The following SLC27A1 variants were observed in gnomAD, a reference collection of about 807,000 sequenced individuals.
SLC27A1 encodes long-chain fatty acid transport protein 1.
In SLC27A1, 61 loss-of-function variants were observed where a neutral mutation model predicts 62.2. That is an observed-to-expected ratio of 0.98 (90% CI 0.80 to 1.21). SLC27A1 has a LOEUF of 1.21. SLC27A1 is among the 50% of genes most tolerant of loss of function. SLC27A1 has a pLI of 0.00. For synonymous variants in SLC27A1, 435 were observed against 408.6 expected, an observed-to-expected ratio of 1.06 and a Z score of -0.78; for missense variants, 903 against 932.1, an observed-to-expected ratio of 0.97 and a Z score of 0.41.
chr19:17,497,388 G>C lies in SLC27A1; in HGVS notation c.1130G>C (p.Arg377Pro), dbSNP rs935049890. The C allele has an allele frequency of 6.2e-7, 1 of 1,604,408 alleles. No homozygotes were observed. The highest frequency in any genetic ancestry group is 8.5e-7 in the Non-Finnish European group (1 of 1,177,250). ...RPAIWEEFTE[R>P]FGVRQIGEFY... is the part of the protein sequence containing the mutation. Reference sequence around the variant, plus strand: ...GCCATCTGGGAGGAGTTCACGGAGCGCTTCGGCGTACGCCAAATCGGGGAG... The same window carrying C: ...GCCATCTGGGAGGAGTTCACGGAGCCCTTCGGCGTACGCCAAATCGGGGAG... Residue 377 changes from arginine to proline, a missense_variant, in exon 7 of 12, where the codon CGC (arginine) becomes CCC (proline). Arg to Pro is a moderately radical substitution (Grantham distance 103). Transcript: ENST00000252595.
Position 17,500,411 on chromosome 19 carries a change from A to G in SLC27A1, c.1333+7A>G. The G allele has an allele frequency of 6.2e-7, 1 of 1,613,618 alleles. No individual in the cohort carries two copies. The highest frequency in any genetic ancestry group is 8.5e-7 in the Non-Finnish European group (1 of 1,179,734). ...TGCATCCCCTGCCAGGCCGGTGAGC[A>G]GGGCCCCCGCATGGTCCCCACCCGG... On this transcript the variant is annotated splice_region_variant and intron_variant, in intron 8 of 11. Transcript: ENST00000252595.
chr19:17,505,826 CAG>C lies in SLC27A1; in HGVS notation c.*1215_*1216del, dbSNP rs2075474115. ...TGCCGGGGGTTGGCCTCTCAAGCCT[CAG>C]GGGTTCTAGCCTGTTGAATATACCC... On this transcript the variant is annotated 3_prime_UTR_variant, in exon 12 of 12. Coordinates refer to ENST00000252595, the MANE Select transcript of SLC27A1 (RefSeq NM_198580.3). 1 of 152,760 alleles carries C rather than the reference CAG, an allele frequency of 6.5e-6. No homozygotes were observed. The highest frequency in any genetic ancestry group is 2.4e-5 in the African/African-American group (1 of 41,456). The allele number at this position is 152,760 out of a possible 1,614,324, so 9.5% of individuals were successfully genotyped here.
chr19:17,479,134 C>T (rs923305421), intron 1 of SLC27A1, among the ~76,000 whole-genome samples: 3 of 151,876 alleles, frequency 2.0e-5, no homozygotes, highest in Non-Finnish European at 2.9e-5. Flanking sequence ...CAGCTGGGAA[C>T]AGTACTCACG....
Position 17,497,201 on chromosome 19 carries a change from G to A in SLC27A1, c.997-54G>A, listed in dbSNP as rs2075358329. On this transcript the variant is annotated intron_variant, in intron 6 of 11. Coordinates refer to ENST00000252595, the MANE Select transcript of SLC27A1 (RefSeq NM_198580.3). Reference sequence around the variant, plus strand: ...GGTCTCGGGGTCTCTCCTCTGATCCGGGCTCCCCACCGCCTGCCGGTCCCA... The same window carrying A: ...GGTCTCGGGGTCTCTCCTCTGATCCAGGCTCCCCACCGCCTGCCGGTCCCA... 6.7e-6 allele frequency: 10 copies of A among 1,483,612 alleles called. 1 individual carries two copies. Among genetic ancestry groups the A allele is most frequent in the Non-Finnish European group, 9.1e-6 (10 of 1,098,076 alleles). 91.9% of individuals were successfully genotyped at this position (1,483,612 alleles called of 1,614,324 possible).
intron 11 of SLC27A1, 58 bp from the exon 12 acceptor site, chr19:17,504,397 T>C (rs2075452304): frequency 6.2e-7 from 1 of 1,601,766 alleles, no homozygotes; most frequent in Admixed American, 1.7e-5. Context: ...GGATATTGAG[T>C]TGAGGCCTCC....
intron 1 of SLC27A1, among the ~76,000 whole-genome samples, chr19:17,480,831 C>G (rs1261234547): frequency 1.3e-5 from 2 of 151,896 alleles, no homozygotes; most frequent in Non-Finnish European, 2.9e-5. Flanking sequence ...TTCAGCTGCC[C>G]CTTATGGAGT....
rs893919404 is a variant in SLC27A1, at chr19:17,503,250, A to T, written c.1784-1205A>T. The stretch of plus-strand genomic sequence containing the variant: ...AGATTTGGGTGGGGACACAGCCAAA[A>T]TATATCAGGGTCTCACTGTGTTGCC... On this transcript the variant is annotated intron_variant, in intron 11 of 11. Coordinates refer to ENST00000252595, the MANE Select transcript of SLC27A1 (RefSeq NM_198580.3). Among the ~76,000 whole-genome samples, 3 of 151,094 alleles carry T rather than the reference A, an allele frequency of 2.0e-5. No homozygotes were observed. The East Asian group carries it at 6.0e-4, about 30-fold the overall frequency.
intron 11 of SLC27A1, 132 bp downstream of exon 11, chr19:17,501,551 C>T (rs975828595): frequency 2.8e-5 from 36 of 1,284,302 alleles, no homozygotes; most frequent in Non-Finnish European, 3.5e-5. Flanking sequence ...CGCCTGTAAT[C>T]CCAGCACTTT....
At chr19:17,485,335 G>A (rs62126783) in intron 1 of SLC27A1, among the ~76,000 whole-genome samples, 72,517 of 150,224 alleles carry the variant, frequency 0.48, 17,904 homozygotes, top group South Asian at 0.55. Context: ...GATTACAGGC[G>A]CCCACCATCA....
chr19:17,470,458 A>T (rs1599633959), upstream of SLC27A1: 1 of 1,326,918 alleles, frequency 7.5e-7, no homozygotes, highest in African/African-American at 1.8e-5. Context: ...CTCGCTGTAG[A>T]GGCGGGGGCG....
intron 7 of SLC27A1, 97 bp downstream of exon 7, chr19:17,497,561 C>A: frequency 1.7e-6 from 2 of 1,173,584 alleles, no homozygotes; most frequent in Non-Finnish European, 2.4e-6. Flanking sequence ...ACAGCCTGGA[C>A]TGGCGCGGAA....
At chr19:17,490,461 A>G (rs2075283756) in intron 6 of SLC27A1, among the ~76,000 whole-genome samples, 1 of 148,632 alleles carries the variant, frequency 6.7e-6, no homozygotes, top group Non-Finnish European at 1.5e-5. Flanking sequence ...GCCCAAAATT[A>G]TCTTTTAAAA....
At chr19:17,484,568 G>A (rs2075210394) in intron 1 of SLC27A1, among the ~76,000 whole-genome samples, 1 of 152,020 alleles carries the variant, frequency 6.6e-6, no homozygotes, top group South Asian at 2.1e-4. Context: ...GCGACAGAGT[G>A]AGACCCTGTC....
At chr19:17,482,973 G>GGAGGGAATGAATGAAT in intron 1 of SLC27A1, among the ~76,000 whole-genome samples, 1 of 152,158 alleles carries the variant, frequency 6.6e-6, no homozygotes, top group South Asian at 2.1e-4. Flanking sequence ...AATGAATGAT[G>GGAGGGAATGAATGAAT]GAGGGAATGA....
At chr19:17,493,848 A>G (rs1197184467) in intron 6 of SLC27A1, among the ~76,000 whole-genome samples, 1 of 151,658 alleles carries the variant, frequency 6.6e-6, no homozygotes, top group Non-Finnish European at 1.5e-5. Context: ...CTGGTCTCAA[A>G]CTTCTGACCT....
intron 7 of SLC27A1, chr19:17,499,496 G>T (rs916128354): frequency 6.6e-6 from 1 of 151,872 alleles, no homozygotes; most frequent in African/African-American, 2.4e-5. Context: ...AATGGCTCGT[G>T]CCCTCGGTCT....
rs754491189 is a variant in SLC27A1 at position 17,487,361 on chromosome 19, C to CT, written c.724+27dup. 49 of 1,589,572 alleles carry CT rather than the reference C, an allele frequency of 3.1e-5. No homozygotes were observed. The African/African-American group carries it at 5.0e-4, about 16-fold the overall frequency. ...GTGAGTCAAGGGTGGGACCCCTGCT[C>CT]TATCAACTGGTTTCCTACCCGCCCA... On this transcript the variant is annotated intron_variant, in intron 3 of 11. Transcript: ENST00000252595.
intron 6 of SLC27A1, chr19:17,497,012 G>GAC: frequency 2.2e-6 from 1 of 457,002 alleles, no homozygotes; most frequent in South Asian, 3.4e-5. Flanking sequence ...GGCACAGGGA[G>GAC]ACCCCCAACC....
chr19:17,497,221 G>A (rs779651932), intron 6 of SLC27A1, 34 bp from the exon 7 acceptor site: 4 of 1,556,172 alleles, frequency 2.6e-6, no homozygotes, highest in Non-Finnish European at 8.6e-7. Flanking sequence ...CCGCCTGCCG[G>A]TCCCATCACC....
Sources: gnomAD v4.1 joint callset for allele counts (sites outside exome capture counted in the v4.1 genomes callset) on GRCh38, gnomAD v4.1.1 for gene constraint, MANE v1.5 for transcripts, NCBI Gene and HGNC (gene_info 2026-07-23, HGNC 2026-07-21) for gene names.